The following CPT1C variants were observed in gnomAD, a reference collection of about 807,000 sequenced individuals.
CPT1C encodes palmitoyl thioesterase CPT1C.
A neutral mutation model predicts 97.3 loss-of-function variants in CPT1C; 61 were observed. The ratio of observed to expected loss-of-function variants is 0.63; its 90% CI spans 0.51 to 0.78. The LOEUF (loss-of-function observed/expected upper bound fraction) is 0.78, where lower values mean the gene tolerates loss of function less well. Among genes scored for constraint, CPT1C ranks in the 30% least tolerant of loss-of-function variants. The pLI, the probability that CPT1C is intolerant of heterozygous loss-of-function variation, is 0.00. For missense variants in CPT1C, 975 were observed against 1,065.5 expected, an observed-to-expected ratio of 0.92 and a Z score of 1.18; for synonymous variants, 469 against 447.2, an observed-to-expected ratio of 1.05 and a Z score of -0.61.
At chr19:49,712,671 A>G in intron 17 of CPT1C, 65 bp from the exon 18 acceptor site, 1 of 1,199,118 alleles carries the variant, frequency 8.3e-7, no homozygotes, top group Non-Finnish European at 1.2e-6. Flanking sequence ...GCAGGGAGTG[A>G]AGTGGAGCCA....
In CPT1C at chr19:49,705,004, C is replaced by T. The variant is rs745809920; in HGVS notation, c.772-3C>T. The T allele has an allele frequency of 3.1e-6, 5 of 1,588,494 alleles. No homozygotes were observed. The highest frequency in any genetic ancestry group is 4.3e-6 in the Non-Finnish European group (5 of 1,163,684). On this transcript the variant is annotated splice_region_variant and splice_polypyrimidine_tract_variant and intron_variant, in intron 8 of 19. Coordinates refer to ENST00000598293, the MANE Select transcript of CPT1C (RefSeq NM_001199753.2). ...TTTTGCCATCCCCTCTCCTGGTCCCCAGGACTTCCTGTATGTCACACCCAC... is the reference window on the plus strand; with the variant it reads ...TTTTGCCATCCCCTCTCCTGGTCCCTAGGACTTCCTGTATGTCACACCCAC...
chr19:49,700,058 T>C (rs1159375298), intron 4 of CPT1C, among the ~76,000 whole-genome samples: 1 of 150,304 alleles, frequency 6.7e-6, no homozygotes, highest in East Asian at 2.0e-4. Flanking sequence ...CCATCATGGC[T>C]AACACGGTGA....
rs201618625 is a variant in CPT1C at position 49,705,898 on chromosome 19, G to A, written c.965-11G>A. The A allele has an allele frequency of 1.7e-5, 27 of 1,601,066 alleles. No individual in the cohort carries two copies. The highest frequency in any genetic ancestry group is 2.7e-5 in the African/African-American group (2 of 74,368). ...TTCCTGCCCCCATGCTTCTGCCAAC[G>A]CCACCCCTAGACTACATCCGCCACC... On this transcript the variant is annotated splice_polypyrimidine_tract_variant and intron_variant, in intron 10 of 19. Transcript: ENST00000598293.
At chr19:49,705,172 G>A (rs373790571) in intron 9 of CPT1C, 42 bp from the exon 10 acceptor site, 46 of 1,613,120 alleles carry the variant, frequency 2.9e-5, no homozygotes, top group African/African-American at 1.7e-4. Flanking sequence ...TTTGGGCCAC[G>A]TGGGTCCTGG....
chr19:49,699,370 G>C (rs1234783783), intron 4 of CPT1C, among the ~76,000 whole-genome samples: 1 of 134,372 alleles, frequency 7.4e-6, no homozygotes, highest in Non-Finnish European at 1.5e-5. Flanking sequence ...GCTCACACTT[G>C]TAATCCCAGC....
chr19:49,702,832 C>T (rs1369825031), intron 7 of CPT1C, among the ~76,000 whole-genome samples: 2 of 151,464 alleles, frequency 1.3e-5, no homozygotes, highest in African/African-American at 2.4e-5. Flanking sequence ...AGGAAGCTAC[C>T]GTGAGACCTA....
rs1217261016 is a variant in CPT1C at position 49,703,595 on chromosome 19, C to CCCTTCCTTCCTTCCTTCCTT, written c.694-1109_694-1090dup. ...TCCCTCCCTCCCTCCCTCCCTCCCT[C>CCCTTCCTTCCTTCCTTCCTT]CCTTCCTTCCTTCCTTCCTTCCTTC... On this transcript the variant is annotated intron_variant, in intron 7 of 19. Transcript: ENST00000598293. Among the ~76,000 whole-genome samples, 50 of 75,832 alleles carry CCCTTCCTTCCTTCCTTCCTT rather than the reference C, an allele frequency of 6.6e-4. 1 individual carries two copies. The East Asian group carries it at 0.015, about 23-fold the overall frequency. The allele number at this position is 75,832 out of a possible 152,430, so 49.7% of individuals were successfully genotyped here.
chr19:49,710,728 G>A lies in CPT1C; in HGVS notation c.1737G>A (p.Arg579=), dbSNP rs760880315. 1 of 1,612,236 alleles carries A rather than the reference G, an allele frequency of 6.2e-7. No individual in the cohort carries two copies. Among genetic ancestry groups the A allele is most frequent in the Non-Finnish European group, 8.5e-7 (1 of 1,178,644 alleles). Residue 579 remains arginine, a synonymous_variant, in exon 16 of 20, where the codon AGG becomes AGA. Transcript: ENST00000598293. ...TTCTCCTCCCTGTCCCCCAGGACAGGGGTCAATTCTGCCTGACTTATGAGT... is the reference window on the plus strand; with the variant it reads ...TTCTCCTCCCTGTCCCCCAGGACAGAGGTCAATTCTGCCTGACTTATGAGT... The part of the protein sequence containing the change: ...IALQLAHFRD[R]GQFCLTYESA...
chr19:49,712,031 G>A (rs2083917504), intron 17 of CPT1C, 70 bp downstream of exon 17: 2 of 1,554,590 alleles, frequency 1.3e-6, no homozygotes, highest in South Asian at 1.2e-5. Context: ...TTTCAGGGAA[G>A]GAGGGTGATG....
chr19:49,696,118 C>A (rs1006611402), intron 3 of CPT1C, among the ~76,000 whole-genome samples: 2 of 152,202 alleles, frequency 1.3e-5, no homozygotes, highest in Non-Finnish European at 2.9e-5. Flanking sequence ...CTCAGGTGAT[C>A]CACCCGCCTA....
rs199544289 is a variant in CPT1C, at chr19:49,705,030, G to A, written c.795G>A (p.Thr265=). 2.1e-5 allele frequency: 33 copies of A among 1,604,636 alleles called. No individual in the cohort carries two copies. Among genetic ancestry groups the A allele is most frequent in the Admixed American group, 1.8e-4 (11 of 59,688 alleles). ...YMMDFLYVTP[T]PLQAARAGNA... ...AGGACTTCCTGTATGTCACACCCAC[G>A]CCTCTGCAGGCAGCTCGCGCTGGGA... Residue 265 remains threonine (T), a synonymous_variant, in exon 9 of 20, where the codon ACG becomes ACA. Coordinates refer to ENST00000598293, the MANE Select transcript of CPT1C (RefSeq NM_001199753.2).
At chr19:49,694,873 G>A (rs1026650324) in intron 3 of CPT1C, among the ~76,000 whole-genome samples, 2 of 152,120 alleles carry the variant, frequency 1.3e-5, no homozygotes, top group Non-Finnish European at 1.5e-5. Context: ...AGGCATGGTG[G>A]CTCACGCCTC....
intron 4 of CPT1C, 61 bp downstream of exon 4, chr19:49,697,526 C>T: frequency 6.4e-7 from 1 of 1,568,822 alleles, no homozygotes; most frequent in Non-Finnish European, 8.7e-7. Flanking sequence ...CCAGTAAGTT[C>T]CTCTGTCATT....
intron 4 of CPT1C, among the ~76,000 whole-genome samples, chr19:49,699,711 T>G (rs761842637): frequency 6.6e-6 from 1 of 152,146 alleles, no homozygotes; most frequent in African/African-American, 2.4e-5. Context: ...TCCCAGCACT[T>G]TGGGAGGCCC....
At position 49,713,431 on chromosome 19, in the gene CPT1C, G is replaced by C. The variant is rs930830819; in HGVS notation, c.2238G>C (p.Arg746Ser). The C allele has an allele frequency of 6.2e-7, 1 of 1,612,542 alleles. No homozygotes were observed. The highest frequency in any genetic ancestry group is 8.5e-7 in the Non-Finnish European group (1 of 1,179,222). The part of the protein sequence containing the change: ...KKSSTKTDSH[R>S]LGQHIEDALL... ...TGTTCTCCTTCCAGGATTCCCACAG[G>C]CTGGGGCAGCACATTGAGGACGCAC... Residue 746 changes from arginine (R) to serine (S), a missense_variant, in exon 20 of 20, where the codon AGG becomes AGC. Transcript: ENST00000598293.
intron 12 of CPT1C, among the ~76,000 whole-genome samples, chr19:49,707,279 C>T (rs2083556460): frequency 6.6e-6 from 1 of 152,000 alleles, no homozygotes; most frequent in South Asian, 2.1e-4. Context: ...GAGTGAAACT[C>T]CATCTCAAAA....
chr19:49,706,370 G>GA lies in CPT1C; in HGVS notation c.1301dup (p.Asp434GlufsTer14). ...CAGGGAGGACCCGGCAGCGTCGTTG[G>GA]ATGCCTACGCCCATGCTCTGCTGGC... On this transcript the variant is annotated frameshift_variant, in exon 12 of 20. Transcript: ENST00000598293. LOFTEE classifies it high-confidence loss of function. The surrounding 1 kb of genome is among the most constrained non-coding windows in gnomAD (Gnocchi z 4.8). 1 of 1,509,066 alleles carries GA rather than the reference G, an allele frequency of 6.6e-7. No homozygotes were observed. Among genetic ancestry groups the GA allele is most frequent in the Non-Finnish European group, 8.8e-7 (1 of 1,134,000 alleles). The allele number at this position is 1,509,066 out of a possible 1,614,324, so 93.5% of individuals were successfully genotyped here.
At chr19:49,704,583 G>C in intron 7 of CPT1C, 127 bp from the exon 8 acceptor site, 1 of 703,304 alleles carries the variant, frequency 1.4e-6, no homozygotes, top group South Asian at 1.7e-5. Context: ...TACTGACTAC[G>C]ATGGCTGACT....
chr19:49,712,642 T>TAA, intron 17 of CPT1C, 94 bp from the exon 18 acceptor site: 1 of 904,368 alleles, frequency 1.1e-6, no homozygotes, highest in Non-Finnish European at 1.8e-6. Context: ...GATTTACGGG[T>TAA]AAAAAAAAAG....
Sources: gnomAD v4.1 joint callset for allele counts (sites outside exome capture counted in the v4.1 genomes callset) on GRCh38, gnomAD v4.1.1 for gene constraint, Gnocchi (gnomAD v3.1) non-coding constraint, MANE v1.5 for transcripts, NCBI Gene and HGNC (gene_info 2026-07-23, HGNC 2026-07-21) for gene names.